CFAP46: variants seen among roughly 807,000 people sequenced by gnomAD.
The protein encoded by CFAP46 is cilia and flagella associated protein 46.
Under a neutral mutation model 325.7 loss-of-function variants are expected in CFAP46, and 245 were observed. The ratio of observed to expected loss-of-function variants is 0.75; its 90% CI spans 0.68 to 0.84. The LOEUF is 0.84. Among genes scored for constraint, CFAP46 ranks in the 40% least tolerant of loss-of-function variants. The pLI is 0.00. For synonymous variants in CFAP46, 1,523 were observed against 1,495.9 expected, an observed-to-expected ratio of 1.02 and a Z score of -0.42; for missense variants, 3,346 against 3,543.0, an observed-to-expected ratio of 0.94 and a Z score of 1.41.
At chr10:132,891,253 G>A (rs928834828) in intron 25 of CFAP46, among the ~76,000 whole-genome samples, 1 of 152,198 alleles carries the variant, frequency 6.6e-6, no homozygotes, top group African/African-American at 2.4e-5. Context: ...CCCCCCAACC[G>A]ACTGAATGGG....
chr10:132,834,799 C>T (rs755807495), intron 47 of CFAP46, 24 bp from the exon 48 acceptor site: 2 of 1,604,682 alleles, frequency 1.2e-6, no homozygotes, highest in South Asian at 1.1e-5. Flanking sequence ...AAAAAGAGGC[C>T]CCCGTAGCAA....
chr10:132,900,890 G>A (rs967656351), intron 22 of CFAP46, among the ~76,000 whole-genome samples: 4 of 152,254 alleles, frequency 2.6e-5, no homozygotes, highest in Admixed American at 6.5e-5. Flanking sequence ...AATCGTAGAC[G>A]TATCCATGTT....
chr10:132,863,600 C>T (rs968496322), intron 35 of CFAP46, among the ~76,000 whole-genome samples: 2 of 150,614 alleles, frequency 1.3e-5, no homozygotes, highest in African/African-American at 4.9e-5. Context: ...GAGACATGCA[C>T]AAACCTGTCC....
At chr10:132,846,316 C>G in intron 43 of CFAP46, 89 bp from the exon 44 acceptor site, 1 of 1,464,096 alleles carries the variant, frequency 6.8e-7, no homozygotes, top group East Asian at 2.4e-5. Context: ...CAGCTGCAGC[C>G]TGGGAGCAGG....
chr10:132,855,009 G>A (rs1156415047), intron 39 of CFAP46, among the ~76,000 whole-genome samples: 2 of 152,176 alleles, frequency 1.3e-5, no homozygotes, highest in Non-Finnish European at 2.9e-5. Flanking sequence ...CTGTTGTTGG[G>A]TGAACGTTCT....
At position 132,879,413 on chromosome 10, in the gene CFAP46, C is replaced by T. The variant is rs146053345; in HGVS notation, c.4005+13G>A. 411 of 1,491,288 alleles carry T rather than the reference C, an allele frequency of 2.8e-4. No homozygotes were observed. In the African/African-American group the frequency reaches 4.6e-3, roughly 17 times the overall value. 92.4% of individuals were successfully genotyped at this position (1,491,288 alleles called of 1,614,324 possible). ...GGTGCTGCAGGAGCAGGGGAGTCTG[C>T]GCTGGGCCTCACCTGCCAGATGTGC... On this transcript the variant is annotated intron_variant, in intron 29 of 57. Coordinates refer to ENST00000368586, the MANE Select transcript of CFAP46 (RefSeq NM_001200049.3).
At chr10:132,833,569 C>G in intron 49 of CFAP46, 44 bp from the exon 50 acceptor site, 1 of 1,586,986 alleles carries the variant, frequency 6.3e-7, no homozygotes, top group Non-Finnish European at 8.6e-7. Context: ...GAAGACGGGA[C>G]CCCTCCCACG....
intron 54 of CFAP46, 102 bp downstream of exon 54, chr10:132,814,050 G>A (rs958059954): frequency 9.7e-6 from 8 of 826,382 alleles, no homozygotes; most frequent in African/African-American, 1.7e-5. Flanking sequence ...TGGCAGGACT[G>A]GCAGGGCAGA....
intron 29 of CFAP46, 148 bp downstream of exon 29, chr10:132,879,278 T>G: frequency 1.3e-6 from 1 of 743,594 alleles, no homozygotes; most frequent in Non-Finnish European, 2.1e-6. Flanking sequence ...AGAATCTGGA[T>G]GTCGCAGGAA....
At chr10:132,907,458 G>T (rs577343720) in intron 22 of CFAP46, among the ~76,000 whole-genome samples, 1 of 152,368 alleles carries the variant, frequency 6.6e-6, no homozygotes, top group Admixed American at 6.5e-5. Flanking sequence ...ACGGGGACCT[G>T]GCGGCACGGC....
rs1018417455 is a variant in CFAP46, at chr10:132,866,047, G to A, written c.4868C>T (p.Ser1623Leu). 75 of 1,523,168 alleles carry A rather than the reference G, an allele frequency of 4.9e-5. No individual in the cohort carries two copies. Among genetic ancestry groups the A allele is most frequent in the Non-Finnish European group, 6.1e-5 (69 of 1,133,626 alleles). The allele number at this position is 1,523,168 out of a possible 1,614,324, so 94.4% of individuals were successfully genotyped here. A position where few individuals can be genotyped will look rare whatever the true frequency, so the allele number is the denominator to read the frequency against. The change falls in exon 35 of 58, where the codon TCG becomes TTG. Residue 1623 changes from serine (S) to leucine (L), a missense_variant. Transcript: ENST00000368586. The stretch of plus-strand genomic sequence containing the variant: ...CACCTGGAAAGCCAGGTAAGCCTCC[G>A]ACAGGAGCAGCCGTGCAGGCTGGTA... ...NLYQPARLLL[S>L]EAYLAFQELD... is the part of the protein sequence containing the mutation.
chr10:132,934,605 C>G (rs7081591), intron 8 of CFAP46, 147 bp downstream of exon 8: 312,431 of 619,936 alleles, frequency 0.5, 80,889 homozygotes, highest in African/African-American at 0.69. Context: ...AAAGACCAGA[C>G]AGGACCTTAC....
chr10:132,932,931 T>C (rs116895640), intron 8 of CFAP46, among the ~76,000 whole-genome samples: 6,054 of 152,332 alleles, frequency 0.04, 168 homozygotes, highest in South Asian at 0.065. Flanking sequence ...AGCCTGTCCA[T>C]TGTGTCCCTG....
chr10:132,920,163 C>G lies in CFAP46; in HGVS notation c.1626G>C (p.Arg542Ser). 6.5e-7 allele frequency: 1 copy of G among 1,544,884 alleles called. No homozygotes were observed. Among genetic ancestry groups the G allele is most frequent in the Non-Finnish European group, 8.7e-7 (1 of 1,144,902 alleles). Residue 542 changes from arginine (R) to serine (S), a missense_variant, in exon 14 of 58, where the codon AGG becomes AGC. Transcript: ENST00000368586. ...TCGCACAGAGGTAGGTGAACCGGCC[C>G]CTGTTCTTCCCGGTGGAGACTGAGG... The part of the protein sequence containing the change: ...NEAKVSTGKN[R>S]GRFTYLCAKA...
rs1052876971 is a variant in CFAP46 at position 132,836,203 on chromosome 10, G to A, written c.6552C>T (p.Gly2184=). 9.9e-6 allele frequency: 16 copies of A among 1,610,880 alleles called. No individual in the cohort carries two copies. Among genetic ancestry groups the A allele is most frequent in the South Asian group, 5.5e-5 (5 of 90,932 alleles). ...HLSGDRSRLY[G]AAYEKPKFIT... ...TGAACTTGGGTTTCTCGTAGGCAGC[G>A]CCGTACAGACGGGACCTGCTGGCAG... Residue 2184 remains glycine, a synonymous_variant, in exon 46 of 58, where the codon GGC becomes GGT. Coordinates refer to ENST00000368586, the MANE Select transcript of CFAP46 (RefSeq NM_001200049.3).
chr10:132,844,023 C>CCT (rs1848393413), intron 44 of CFAP46, among the ~76,000 whole-genome samples: 6 of 99,394 alleles, frequency 6.0e-5, no homozygotes, highest in South Asian at 4.2e-4. Context: ...GCTCTGGTCT[C>CCT]GGTGGGTGTT....
In CFAP46 at chr10:132,832,792, C is replaced by G. The variant is rs41306836; in HGVS notation, c.7117+566G>C. 551 of 471,238 alleles carry G rather than the reference C, an allele frequency of 1.2e-3. 2 individuals carry two copies. Among genetic ancestry groups the G allele is most frequent in the Non-Finnish European group, 2.2e-3 (497 of 227,060 alleles). 29.2% of individuals were successfully genotyped at this position (471,238 alleles called of 1,614,324 possible). A position where few individuals can be genotyped will look rare whatever the true frequency, so the allele number is the denominator to read the frequency against. On this transcript the variant is annotated intron_variant, in intron 50 of 57. Coordinates refer to ENST00000368586, the MANE Select transcript of CFAP46 (RefSeq NM_001200049.3). This position sits in a 1 kb window ranked among gnomAD's most constrained non-coding sequence, Gnocchi z 4.1. ...AGGGCCTTCCGCGCGCTCCCTCGTGCTTTTCACTGTCTGAGTGATTAACGG... is the reference window on the plus strand; with the variant it reads ...AGGGCCTTCCGCGCGCTCCCTCGTGGTTTTCACTGTCTGAGTGATTAACGG...
At chr10:132,920,303 G>A in intron 13 of CFAP46, 121 bp from the exon 14 acceptor site, 3 of 1,262,496 alleles carry the variant, frequency 2.4e-6, no homozygotes, top group East Asian at 2.7e-5. Context: ...GCGGCTCCAG[G>A]GGCCCTAGAT....
intron 50 of CFAP46, among the ~76,000 whole-genome samples, chr10:132,830,268 T>G (rs945257355): frequency 6.6e-6 from 1 of 152,120 alleles, no homozygotes; most frequent in Non-Finnish European, 1.5e-5. Context: ...CTTAGCCTCC[T>G]GAGTAGCTGG....
Sources: allele counts gnomAD v4.1 joint callset (sites outside exome capture counted in the v4.1 genomes callset), GRCh38; gene constraint gnomAD v4.1.1; non-coding constraint Gnocchi (gnomAD v3.1); transcripts MANE v1.5; gene names NCBI Gene and HGNC (gene_info 2026-07-23, HGNC 2026-07-21).